The following RASEF variants were observed in gnomAD, a reference collection of about 807,000 sequenced individuals.
RASEF encodes ras and EF-hand domain-containing protein.
In RASEF, 68 loss-of-function variants were observed where a neutral mutation model predicts 90.1. That is an observed-to-expected ratio of 0.75 (90% confidence interval 0.62 to 0.92). RASEF has a LOEUF of 0.92. Ranked by LOEUF, RASEF falls within the 40% of genes least tolerant of loss-of-function variation. RASEF has a pLI of 0.00. For missense variants in RASEF, 949 were observed against 937.2 expected (o/e 1.01, Z -0.16); for synonymous variants, 331 against 345.2 (o/e 0.96, Z 0.46).
chr9:83,143,488 A>G, the RASEF span, among the ~76,000 whole-genome samples: 1 of 152,170 alleles, frequency 6.6e-6, no homozygotes, highest in Non-Finnish European at 1.5e-5. Flanking sequence ...CGTCATCACT[A>G]ACAATGTGGG....
chr9:83,067,507 A>G (rs73651028), upstream of RASEF, among the ~76,000 whole-genome samples: 2,130 of 152,286 alleles, frequency 0.014, 57 homozygotes, highest in African/African-American at 0.048. Flanking sequence ...CCTCAGATCT[A>G]TTTTTTAAAA....
At chr9:83,124,697 C>G in the RASEF span, among the ~76,000 whole-genome samples, 1 of 152,134 alleles carries the variant, frequency 6.6e-6, no homozygotes, top group Non-Finnish European at 1.5e-5. Context: ...TCAGTTGTTA[C>G]GCAAAACTGG....
chr9:83,198,716 A>G, the RASEF span, among the ~76,000 whole-genome samples: 1 of 152,280 alleles, frequency 6.6e-6, no homozygotes, highest in Middle Eastern at 3.4e-3. Flanking sequence ...ACCACTCCAC[A>G]GAGCAGACTG....
chr9:82,991,627 G>C (rs7037820), intron 15 of RASEF, among the ~76,000 whole-genome samples: 3 of 152,314 alleles, frequency 2.0e-5, no homozygotes, highest in African/African-American at 7.2e-5. Context: ...TAGAAAATCT[G>C]CAAACACCAC....
the RASEF span, among the ~76,000 whole-genome samples, chr9:83,135,936 G>A: frequency 6.6e-6 from 1 of 151,986 alleles, no homozygotes; most frequent in East Asian, 1.9e-4. Flanking sequence ...TGAAAATCTA[G>A]TAGTCAATAA....
At chr9:83,056,831 AATC>A (rs1265034622) in intron 1 of RASEF, among the ~76,000 whole-genome samples, 1 of 152,196 alleles carries the variant, frequency 6.6e-6, no homozygotes. Context: ...GGACAGAATA[AATC>A]ATCTTTCTTC....
chr9:83,106,397 T>TC, the RASEF span, among the ~76,000 whole-genome samples: 1 of 152,174 alleles, frequency 6.6e-6, no homozygotes, highest in Admixed American at 6.5e-5. Context: ...TCTACCCCTA[T>TC]GTCATGTGTG....
intron 1 of RASEF, among the ~76,000 whole-genome samples, chr9:83,032,478 C>A (rs531265263): frequency 4.9e-4 from 75 of 152,290 alleles, no homozygotes; most frequent in African/African-American, 1.8e-3. Context: ...TCAGTCAAGA[C>A]AAAAGAAGTC....
At chr9:83,198,973 C>T in the RASEF span, among the ~76,000 whole-genome samples, 3 of 152,096 alleles carry the variant, frequency 2.0e-5, no homozygotes, top group Non-Finnish European at 4.4e-5. Flanking sequence ...CAGGCTCATA[C>T]GAGACATGAC....
the RASEF span, among the ~76,000 whole-genome samples, chr9:83,089,768 G>A: frequency 2.0e-5 from 3 of 152,094 alleles, no homozygotes; most frequent in Admixed American, 6.6e-5. Context: ...TACCCTACTC[G>A]AAGTTTATTG....
At chr9:83,068,889 G>C in the RASEF span, among the ~76,000 whole-genome samples, 12 of 152,328 alleles carry the variant, frequency 7.9e-5, no homozygotes, top group South Asian at 2.1e-3. Flanking sequence ...ACAGGTTGTT[G>C]CACTGGAAAC....
intron 16 of RASEF, among the ~76,000 whole-genome samples, chr9:82,988,393 CA>C (rs1224290995): frequency 3.9e-5 from 6 of 151,930 alleles, no homozygotes; most frequent in Admixed American, 6.6e-5. Context: ...AACAAACATA[CA>C]AAAAAACACA....
At chr9:83,190,331 C>T in the RASEF span, among the ~76,000 whole-genome samples, 2 of 151,932 alleles carry the variant, frequency 1.3e-5, no homozygotes, top group East Asian at 3.8e-4. Context: ...TTTTTTTAAA[C>T]TAAACCATTT....
At chr9:83,040,862 T>C (rs1044977284) in intron 1 of RASEF, among the ~76,000 whole-genome samples, 4 of 152,116 alleles carry the variant, frequency 2.6e-5, no homozygotes, top group African/African-American at 9.7e-5. Context: ...TATTTTATTT[T>C]ATATATATAT....
the RASEF span, among the ~76,000 whole-genome samples, chr9:83,117,687 C>T: frequency 6.6e-6 from 1 of 152,326 alleles, no homozygotes; most frequent in South Asian, 2.1e-4. Context: ...TGCTAGTGAT[C>T]ATCCTACCTT....
intron 7 of RASEF, 69 bp downstream of exon 7, chr9:83,007,368 G>A: frequency 8.1e-7 from 1 of 1,238,482 alleles, no homozygotes. Context: ...CGTTCTATGT[G>A]TTATGTCTTT....
At chr9:83,083,735 T>A in the RASEF span, among the ~76,000 whole-genome samples, 1 of 152,142 alleles carries the variant, frequency 6.6e-6, no homozygotes, top group African/African-American at 2.4e-5. Context: ...AACCCTGGAT[T>A]TTCTTCTGGT....
At chr9:83,014,273 A>G (rs2118520849) in intron 4 of RASEF, among the ~76,000 whole-genome samples, 1 of 152,350 alleles carries the variant, frequency 6.6e-6, no homozygotes, top group Non-Finnish European at 1.5e-5. Flanking sequence ...AAATTGCAAT[A>G]GTGTATAAAA....
chr9:82,985,152 T>C (rs1828687884), intron 16 of RASEF, among the ~76,000 whole-genome samples: 1 of 152,182 alleles, frequency 6.6e-6, no homozygotes, highest in Admixed American at 6.5e-5. Flanking sequence ...GGCTGTGTAT[T>C]AGTTCGTTTT....
Sources: gnomAD v4.1 joint callset for allele counts (sites outside exome capture counted in the v4.1 genomes callset) on GRCh38, gnomAD v4.1.1 for gene constraint, MANE v1.5 for transcripts, NCBI Gene and HGNC (gene_info 2026-07-23, HGNC 2026-07-21) for gene names.